Variants in BCAS1 observed in about 807,000 individuals in gnomAD.
The protein encoded by BCAS1 is brain enriched myelin associated protein 1.
In BCAS1, 46 loss-of-function variants were observed where a neutral mutation model predicts 65.4. The ratio of observed to expected loss-of-function variants is 0.70; its 90% confidence interval spans 0.55 to 0.90. The LOEUF (loss-of-function observed/expected upper bound fraction) is 0.90. BCAS1 is among the 40% of genes least tolerant of loss of function. BCAS1 has a pLI of 0.00. For synonymous variants in BCAS1, 298 were observed against 293.5 expected, an observed-to-expected ratio of 1.02 and a Z score of -0.16; for missense variants, 793 against 771.2, an observed-to-expected ratio of 1.03 and a Z score of -0.33.
At chr20:54,037,368 CCCCATGATCCA>C (rs1424182775) in intron 3 of BCAS1, among the ~76,000 whole-genome samples, 1 of 151,344 alleles carries the variant, frequency 6.6e-6, no homozygotes, top group Non-Finnish European at 1.5e-5. Context: ...AGGAAACTGT[CCCCATGATCCA>C]ATCACCTCCA....
rs2090947509 is a variant in BCAS1, at chr20:53,997,466, T to C, written c.724-1416A>G. Reference sequence around the variant, plus strand: ...ATTGCTTGGTTATAACATTGTTTATTGTCTAATATCCTTATTGATGGACAT... The same window carrying C: ...ATTGCTTGGTTATAACATTGTTTATCGTCTAATATCCTTATTGATGGACAT... On this transcript the variant is annotated intron_variant, in intron 4 of 12. Transcript: ENST00000688948. 3.3e-5 allele frequency among the ~76,000 whole-genome samples: 5 copies of C among 152,360 alleles called. No individual in the cohort carries two copies. The South Asian group carries it at 1.0e-3, about 32-fold the overall frequency.
intron 3 of BCAS1, among the ~76,000 whole-genome samples, chr20:54,035,740 A>G (rs1237968041): frequency 6.6e-6 from 1 of 151,382 alleles, no homozygotes; most frequent in Non-Finnish European, 1.5e-5. Flanking sequence ...TTCTTTTATA[A>G]AGATACATGC....
intron 3 of BCAS1, among the ~76,000 whole-genome samples, chr20:54,030,951 C>T (rs1335617799): frequency 6.6e-6 from 1 of 151,244 alleles, no homozygotes; most frequent in Non-Finnish European, 1.5e-5. Context: ...GTAAAGTTAG[C>T]AAGTAAGGCT....
chr20:54,018,481 C>T (rs573558467), intron 4 of BCAS1, among the ~76,000 whole-genome samples: 160 of 148,686 alleles, frequency 1.1e-3, no homozygotes, highest in African/African-American at 3.6e-3. Flanking sequence ...GGACTACAGG[C>T]GCCCGCCACC....
chr20:53,955,698 A>G (rs1459438018), intron 11 of BCAS1, among the ~76,000 whole-genome samples: 1 of 152,202 alleles, frequency 6.6e-6, no homozygotes, highest in Admixed American at 6.5e-5. Context: ...ATTAGCTAAA[A>G]ATGGAAAGGA....
chr20:53,948,838 A>C lies in BCAS1; in HGVS notation c.1816-3842T>G, dbSNP rs188947272. Among the ~76,000 whole-genome samples, 445 of 152,258 alleles carry C rather than the reference A, an allele frequency of 2.9e-3. 3 individuals carry two copies. The highest frequency in any genetic ancestry group is 7.7e-3 in the East Asian group (40 of 5,180). Reference sequence around the variant, plus strand: ...TAACGGCCTGGCCACTTTGACTTGGAATCTGGCCCTCAGCTCACCTGTTGT... The same window carrying C: ...TAACGGCCTGGCCACTTTGACTTGGCATCTGGCCCTCAGCTCACCTGTTGT... On this transcript the variant is annotated intron_variant, in intron 12 of 12. Coordinates refer to ENST00000688948, the MANE Select transcript of BCAS1 (RefSeq NM_001366298.2).
chr20:53,992,670 C>A (rs1025678939), intron 6 of BCAS1, 24 bp from the exon 7 acceptor site: 15 of 1,364,398 alleles, frequency 1.1e-5, no homozygotes, highest in Non-Finnish European at 1.3e-5. Flanking sequence ...GCAGTCACAA[C>A]CTCAGAACTT....
chr20:54,068,245 G>A (rs922945475), intron 1 of BCAS1, among the ~76,000 whole-genome samples: 5 of 152,166 alleles, frequency 3.3e-5, no homozygotes, highest in Admixed American at 6.5e-5. Flanking sequence ...TGCTTTCGGA[G>A]TACTTAATTA....
chr20:54,001,707 C>T (rs961175802), intron 4 of BCAS1, among the ~76,000 whole-genome samples: 3 of 152,100 alleles, frequency 2.0e-5, no homozygotes, highest in Non-Finnish European at 4.4e-5. Flanking sequence ...AAAACTCTAG[C>T]CTCTGAATTT....
chr20:54,060,180 T>G (rs2092358721), intron 1 of BCAS1, among the ~76,000 whole-genome samples: 1 of 152,234 alleles, frequency 6.6e-6, no homozygotes. Flanking sequence ...AATTAGCCTC[T>G]CTGTGCCTCA....
intron 4 of BCAS1, 28 bp from the exon 5 acceptor site, chr20:53,996,078 C>A: frequency 6.5e-7 from 1 of 1,550,096 alleles, no homozygotes; most frequent in Admixed American, 2.0e-5. Context: ...GTCACAGTTG[C>A]CACTTGCTGA....
chr20:53,953,380 G>A, intron 12 of BCAS1, 52 bp downstream of exon 12: 1 of 1,603,676 alleles, frequency 6.2e-7, no homozygotes, highest in Non-Finnish European at 8.5e-7. Flanking sequence ...GGGGCAGATG[G>A]TGTTGGGGAA....
chr20:53,993,441 A>G (rs2090815612), intron 6 of BCAS1, among the ~76,000 whole-genome samples: 1 of 152,216 alleles, frequency 6.6e-6, no homozygotes. Flanking sequence ...TGTGGGTGTC[A>G]TGGACAACCT....
At chr20:53,946,449 T>C (rs2145439879) in intron 12 of BCAS1, among the ~76,000 whole-genome samples, 1 of 151,822 alleles carries the variant, frequency 6.6e-6, no homozygotes, top group South Asian at 2.1e-4. Flanking sequence ...TGGGCCTCCT[T>C]TTATACTATA....
rs60878965 is a variant in BCAS1, at chr20:53,995,013, G to A, written c.926C>T (p.Thr309Met). The A allele has an allele frequency of 0.015, 24,587 of 1,612,436 alleles. 3,087 individuals carry two copies. In the African/African-American group the frequency reaches 0.28, roughly 19 times the overall value. ...KAETKKDPEDTASKAESVCDG... is the reference protein window; with the variant it reads ...KAETKKDPEDMASKAESVCDG... ...ACATACACACTTCCAACTACCTACCGTGTCTTCTGGGTCCTTTTTTGTTTC... is the reference window on the plus strand; with the variant it reads ...ACATACACACTTCCAACTACCTACCATGTCTTCTGGGTCCTTTTTTGTTTC... Residue 309 changes from threonine (T) to methionine (M), a missense_variant and splice_region_variant, in exon 6 of 13, where the codon ACG (threonine) becomes ATG (methionine). Physicochemically the swap from Thr to Met is moderately conservative, Grantham distance 81. Coordinates refer to ENST00000688948, the MANE Select transcript of BCAS1 (RefSeq NM_001366298.2).
At position 54,045,614 on chromosome 20, in the gene BCAS1, C is replaced by T. The variant is rs544066450; in HGVS notation, c.142+12471G>A. 3.7e-4 allele frequency among the ~76,000 whole-genome samples: 57 copies of T among 152,256 alleles called. No individual in the cohort carries two copies. The South Asian group carries it at 0.012, about 31-fold the overall frequency. ...CAACTCGAACTGTTTCTTGTAAATG[C>T]CTATGCTAAAGAAAAACAGAACTTG... On this transcript the variant is annotated intron_variant, in intron 3 of 12. Transcript: ENST00000688948.
intron 11 of BCAS1, among the ~76,000 whole-genome samples, chr20:53,954,294 GGAGAGAGAGAGAGAGAGA>G (rs71196437): frequency 3.2e-5 from 4 of 125,844 alleles, no homozygotes; most frequent in East Asian, 2.3e-4. Flanking sequence ...GCTGAGAAAT[GGAGAGAGAGAGAGAGAGA>G]GAGAGAGAGA....
intron 9 of BCAS1, among the ~76,000 whole-genome samples, chr20:53,972,901 T>C (rs2090218421): frequency 6.6e-6 from 1 of 152,184 alleles, no homozygotes; most frequent in African/African-American, 2.4e-5. Context: ...CAACCATCAG[T>C]CTCATTCCCT....
intron 10 of BCAS1, among the ~76,000 whole-genome samples, chr20:53,961,275 T>C (rs1214391568): frequency 6.6e-6 from 1 of 152,214 alleles, no homozygotes; most frequent in East Asian, 1.9e-4. Context: ...TCAAACACAA[T>C]TGACATTTAA....
Sources: allele counts gnomAD v4.1 joint callset (sites outside exome capture counted in the v4.1 genomes callset), GRCh38; gene constraint gnomAD v4.1.1; transcripts MANE v1.5; gene names NCBI Gene and HGNC (gene_info 2026-07-23, HGNC 2026-07-21).